LANCL2: variants seen among roughly 807,000 people sequenced by gnomAD.
The protein encoded by LANCL2 is lanC-like protein 2.
LANCL2 carries 33 observed loss-of-function variants against 56.9 expected under a neutral mutation model. The ratio of observed to expected loss-of-function variants is 0.58; its 90% CI spans 0.44 to 0.78. The LOEUF is 0.78. LANCL2 is among the 30% of genes least tolerant of loss of function. LANCL2 has a pLI of 0.00. For synonymous variants in LANCL2, 233 were observed against 228.2 expected, an observed-to-expected ratio of 1.02 and a Z score of -0.19; for missense variants, 562 against 580.2, an observed-to-expected ratio of 0.97 and a Z score of 0.32.
chr7:55,425,775 C>T (rs779177469), intron 7 of LANCL2, among the ~76,000 whole-genome samples: 5 of 152,158 alleles, frequency 3.3e-5, no homozygotes, highest in African/African-American at 4.8e-5. Flanking sequence ...AAATACTACC[C>T]ACCTCCTAAG....
chr7:55,427,973 C>A, intron 7 of LANCL2: 1 of 173,502 alleles, frequency 5.8e-6, no homozygotes. Flanking sequence ...TGTTTCCCAG[C>A]TGGGGCCAGG....
At chr7:55,393,122 A>G (rs1279669410) in intron 2 of LANCL2, among the ~76,000 whole-genome samples, 4 of 152,262 alleles carry the variant, frequency 2.6e-5, no homozygotes, top group Admixed American at 6.5e-5. Context: ...TTCGGGGAAT[A>G]TAAAGGATAT....
chr7:55,401,515 CTTTTTTTTTTTTTTTTT>C (rs58005456), intron 5 of LANCL2, among the ~76,000 whole-genome samples, 195 bp downstream of exon 5: 1 of 58,046 alleles, frequency 1.7e-5, no homozygotes, highest in Admixed American at 2.6e-4. Flanking sequence ...GGTATGGAGT[CTTTTTTTTTTTTTTTTT>C]TTTTTTTTTC....
intron 1 of LANCL2, among the ~76,000 whole-genome samples, chr7:55,391,014 CTTTTT>C (rs576740411): frequency 1.8e-5 from 2 of 113,720 alleles, no homozygotes; most frequent in African/African-American, 3.5e-5. Context: ...AGTGATTGAA[CTTTTT>C]TTTTTTTTTT....
intron 2 of LANCL2, among the ~76,000 whole-genome samples, chr7:55,393,215 G>A (rs917597753): frequency 6.6e-6 from 1 of 152,124 alleles, no homozygotes; most frequent in Non-Finnish European, 1.5e-5. Context: ...GTGATTTCTT[G>A]CTGAATTCTT....
At chr7:55,368,242 C>G (rs537796245) in intron 1 of LANCL2, among the ~76,000 whole-genome samples, 10 of 152,130 alleles carry the variant, frequency 6.6e-5, no homozygotes, top group Non-Finnish European at 1.3e-4. Flanking sequence ...TTCTTTTTAG[C>G]CTTTGTATCT....
intron 5 of LANCL2, among the ~76,000 whole-genome samples, chr7:55,401,632 G>A (rs1399218321): frequency 2.4e-5 from 3 of 122,712 alleles, no homozygotes; most frequent in South Asian, 2.8e-4. Flanking sequence ...GTGGAGGGAA[G>A]GTCAGCAGAT....
rs1790739743 is a variant in LANCL2, at chr7:55,432,400, CCAA to C, written c.*1086_*1088del. 1 of 152,180 alleles carries C rather than the reference CCAA, an allele frequency of 6.6e-6. No individual in the cohort carries two copies. Among genetic ancestry groups the C allele is most frequent in the African/African-American group, 2.4e-5 (1 of 41,448 alleles). The allele number at this position is 152,180 out of a possible 1,614,324, so 9.4% of individuals were successfully genotyped here. A position where few individuals can be genotyped will look rare whatever the true frequency, so the allele number is the denominator to read the frequency against. On this transcript the variant is annotated 3_prime_UTR_variant, in exon 9 of 9. Coordinates refer to ENST00000254770, the MANE Select transcript of LANCL2 (RefSeq NM_018697.4). ...AGATATGAGAAACATAATGTTCTAA[CCAA>C]CAACATTATGGTATTTGTGTGACTT...
At chr7:55,373,972 C>G (rs1025226674) in intron 1 of LANCL2, among the ~76,000 whole-genome samples, 2 of 152,158 alleles carry the variant, frequency 1.3e-5, no homozygotes, top group Non-Finnish European at 2.9e-5. Context: ...GAAAATGTTC[C>G]TGTCTTTTAT....
At chr7:55,430,370 G>A (rs1790714554) in intron 8 of LANCL2, among the ~76,000 whole-genome samples, 1 of 152,208 alleles carries the variant, frequency 6.6e-6, no homozygotes, top group African/African-American at 2.4e-5. Flanking sequence ...CCAGATACAA[G>A]GGCTGTACAC....
chr7:55,425,551 C>T, intron 7 of LANCL2, 121 bp downstream of exon 7: 1 of 885,926 alleles, frequency 1.1e-6, no homozygotes, highest in South Asian at 1.7e-5. Context: ...GTAGCTTCCT[C>T]TTTTTCTTCT....
At chr7:55,375,698 T>G (rs1004521929) in intron 1 of LANCL2, among the ~76,000 whole-genome samples, 2 of 152,250 alleles carry the variant, frequency 1.3e-5, no homozygotes, top group African/African-American at 4.8e-5. Context: ...TGCTGGCTCC[T>G]CTGCTTAGAA....
chr7:55,371,095 G>A (rs1789938833), intron 1 of LANCL2, among the ~76,000 whole-genome samples: 1 of 152,192 alleles, frequency 6.6e-6, no homozygotes, highest in African/African-American at 2.4e-5. Flanking sequence ...ATTACCTGTA[G>A]TTTTCATGTT....
chr7:55,426,229 C>A (rs553462606), intron 7 of LANCL2, among the ~76,000 whole-genome samples: 1 of 152,186 alleles, frequency 6.6e-6, no homozygotes, highest in African/African-American at 2.4e-5. Context: ...CTGTCTGGGT[C>A]ACTATTCTAC....
intron 1 of LANCL2, among the ~76,000 whole-genome samples, chr7:55,383,854 G>A (rs1790096044): frequency 1.3e-5 from 2 of 152,110 alleles, no homozygotes; most frequent in Admixed American, 1.3e-4. Context: ...ATATATATGT[G>A]TAATAAAATA....
chr7:55,381,643 C>T (rs1205728190), intron 1 of LANCL2, among the ~76,000 whole-genome samples: 1 of 152,038 alleles, frequency 6.6e-6, no homozygotes, highest in African/African-American at 2.4e-5. Context: ...TTCCTCTTAC[C>T]CCTCGGAGTT....
At chr7:55,424,775 C>T (rs141451173) in intron 6 of LANCL2, among the ~76,000 whole-genome samples, 93 of 152,356 alleles carry the variant, frequency 6.1e-4, no homozygotes, top group African/African-American at 2.2e-3. Context: ...GCAAGCGAAG[C>T]TTCAACTGTA....
intron 1 of LANCL2, among the ~76,000 whole-genome samples, chr7:55,386,841 T>C (rs182179077): frequency 6.6e-6 from 1 of 152,284 alleles, no homozygotes; most frequent in East Asian, 1.9e-4. Flanking sequence ...GTTACTGTTT[T>C]GGATTGTGGA....
At chr7:55,392,792 C>G (rs1487765467) in intron 2 of LANCL2, among the ~76,000 whole-genome samples, 1 of 151,796 alleles carries the variant, frequency 6.6e-6, no homozygotes, top group Admixed American at 6.6e-5. Flanking sequence ...ATTTATTTAA[C>G]CTAATATATA....
Sources: gnomAD v4.1 joint callset for allele counts (sites outside exome capture counted in the v4.1 genomes callset) on GRCh38, gnomAD v4.1.1 for gene constraint, MANE v1.5 for transcripts, NCBI Gene and HGNC (gene_info 2026-07-23, HGNC 2026-07-21) for gene names.